CSGALNACT1: variants seen among roughly 807,000 people sequenced by gnomAD.
CSGALNACT1 encodes beta4GalNAcT-1.
Under a neutral mutation model 51.0 loss-of-function variants are expected in CSGALNACT1, and 52 were observed. That is an observed-to-expected ratio of 1.02 (90% CI 0.82 to 1.29). The LOEUF is 1.29. Among genes scored for constraint, CSGALNACT1 ranks in the 50% most tolerant of loss-of-function variants. The probability of loss-of-function intolerance (pLI) is 0.00; values close to 1 mark genes in which losing one functional copy is unlikely to be tolerated. For synonymous variants in CSGALNACT1, 341 were observed against 254.4 expected, an observed-to-expected ratio of 1.34 and a Z score of -3.24; for missense variants, 935 against 679.2, an observed-to-expected ratio of 1.38 and a Z score of -4.19.
chr8:19,714,754 A>AT (rs34963187), intron 1 of CSGALNACT1, among the ~76,000 whole-genome samples: 41 of 145,870 alleles, frequency 2.8e-4, no homozygotes, highest in Middle Eastern at 3.6e-3. Context: ...CTCCTGGGAT[A>AT]TTTTTTTTTT....
intron 3 of CSGALNACT1, among the ~76,000 whole-genome samples, chr8:19,537,615 C>A (rs1448800716): frequency 6.6e-6 from 1 of 152,186 alleles, no homozygotes; most frequent in African/African-American, 2.4e-5. Context: ...AGCCTGCAGG[C>A]TGCAACCCTT....
upstream of CSGALNACT1, among the ~76,000 whole-genome samples, chr8:19,605,390 G>C (rs1412262167): frequency 6.6e-6 from 1 of 151,936 alleles, no homozygotes. Flanking sequence ...GAGCTGAGAC[G>C]GTGCCACTGC....
intron 1 of CSGALNACT1, among the ~76,000 whole-genome samples, chr8:19,645,168 A>G (rs2057143114): frequency 6.6e-6 from 1 of 152,250 alleles, no homozygotes; most frequent in Non-Finnish European, 1.5e-5. Flanking sequence ...GCCGGGCAAC[A>G]GGATTCACCA....
intron 6 of CSGALNACT1, among the ~76,000 whole-genome samples, chr8:19,434,919 C>T (rs1265602685): frequency 1.3e-5 from 2 of 151,968 alleles, no homozygotes; most frequent in East Asian, 3.9e-4. Flanking sequence ...AACCATTTCC[C>T]CCAGAAAATA....
At chr8:19,685,226 T>A (rs994115710), upstream of CSGALNACT1, among the ~76,000 whole-genome samples, 6 of 152,034 alleles carry the variant, frequency 3.9e-5, no homozygotes, top group Admixed American at 3.9e-4. Flanking sequence ...TAATGGGAGT[T>A]TTTTCTTCTT....
intron 1 of CSGALNACT1, among the ~76,000 whole-genome samples, chr8:19,699,551 T>C (rs1589580844): frequency 1.3e-5 from 2 of 152,298 alleles, no homozygotes; most frequent in Admixed American, 1.3e-4. Flanking sequence ...GGGCAAAAAT[T>C]ATATGATGTT....
intron 2 of CSGALNACT1, among the ~76,000 whole-genome samples, chr8:19,601,057 T>G (rs945238994): frequency 6.6e-6 from 1 of 152,222 alleles, no homozygotes; most frequent in Non-Finnish European, 1.5e-5. Flanking sequence ...ACATTAATGA[T>G]ATTTTACAGT....
chr8:19,552,183 A>G (rs1319307365), intron 3 of CSGALNACT1, among the ~76,000 whole-genome samples: 1 of 152,218 alleles, frequency 6.6e-6, no homozygotes, highest in African/African-American at 2.4e-5. Flanking sequence ...TGAGGGATTT[A>G]ATAATGGCCA....
intron 3 of CSGALNACT1, among the ~76,000 whole-genome samples, chr8:19,547,586 T>G (rs2086775551): frequency 6.6e-6 from 1 of 152,202 alleles, no homozygotes; most frequent in Admixed American, 6.5e-5. Flanking sequence ...CTTTTCACCA[T>G]GATTGTGAGG....
intron 1 of CSGALNACT1, among the ~76,000 whole-genome samples, chr8:19,679,443 G>A (rs1791215407): frequency 6.6e-6 from 1 of 151,896 alleles, no homozygotes; most frequent in Non-Finnish European, 1.5e-5. Flanking sequence ...GGCAACAGAG[G>A]GAGATCCTGC....
chr8:19,426,383 A>G (rs2058779320), intron 6 of CSGALNACT1, among the ~76,000 whole-genome samples: 1 of 152,232 alleles, frequency 6.6e-6, no homozygotes, highest in African/African-American at 2.4e-5. Context: ...AAATATGTAA[A>G]TAACAGAAAA....
intron 4 of CSGALNACT1, among the ~76,000 whole-genome samples, chr8:19,494,005 T>C (rs758853376): frequency 6.6e-6 from 1 of 152,172 alleles, no homozygotes; most frequent in African/African-American, 2.4e-5. Context: ...TAATCCTCTA[T>C]CCTGCTATCC....
intron 1 of CSGALNACT1, among the ~76,000 whole-genome samples, chr8:19,609,375 A>C (rs2051861573): frequency 6.7e-6 from 1 of 149,510 alleles, no homozygotes; most frequent in African/African-American, 2.5e-5. Context: ...AAGTTTAAAA[A>C]TATAGATGGG....
chr8:19,691,192 G>A lies in CSGALNACT1; in HGVS notation c.-297+66658C>T, dbSNP rs112968527. On this transcript the variant is annotated intron_variant, in intron 1 of 1. Coordinates refer to the CSGALNACT1 transcript ENST00000517494. ...CACGCCCGAAGGAGAAAACAGATAG[G>A]TCTGAGTGTGGGGGTAATGCTCCAG... Among the ~76,000 whole-genome samples, 542 of 152,304 alleles carry A rather than the reference G, an allele frequency of 3.6e-3. 2 individuals carry two copies. The highest frequency in any genetic ancestry group is 0.013 in the African/African-American group (529 of 41,550).
chr8:19,673,974 C>G (rs1180528496), intron 1 of CSGALNACT1, among the ~76,000 whole-genome samples: 1 of 152,164 alleles, frequency 6.6e-6, no homozygotes, highest in Non-Finnish European at 1.5e-5. Flanking sequence ...AGGTGAAGGG[C>G]AGAAGGCACA....
At chr8:19,504,778 T>A (rs919090085) in intron 4 of CSGALNACT1, among the ~76,000 whole-genome samples, 3 of 152,218 alleles carry the variant, frequency 2.0e-5, no homozygotes, top group Non-Finnish European at 2.9e-5. Context: ...AATGGGGTCA[T>A]TTCATGGGAA....
chr8:19,649,626 T>C (rs1194801498), intron 1 of CSGALNACT1, among the ~76,000 whole-genome samples: 1 of 151,704 alleles, frequency 6.6e-6, no homozygotes, highest in African/African-American at 2.4e-5. Context: ...TACGAATACA[T>C]GCAATTTCCA....
At chr8:19,516,615 G>A (rs980361505) in intron 3 of CSGALNACT1, among the ~76,000 whole-genome samples, 1 of 152,170 alleles carries the variant, frequency 6.6e-6, no homozygotes, top group East Asian at 1.9e-4. Context: ...TCCCCATCCC[G>A]GTGTGAGCCT....
intron 3 of CSGALNACT1, among the ~76,000 whole-genome samples, chr8:19,589,843 T>C (rs1039372024): frequency 2.6e-5 from 4 of 152,178 alleles, no homozygotes; most frequent in African/African-American, 9.7e-5. Flanking sequence ...TGCAGCCAAA[T>C]CATTAATCCA....
Sources: gnomAD v4.1 joint callset for allele counts (sites outside exome capture counted in the v4.1 genomes callset) on GRCh38, gnomAD v4.1.1 for gene constraint, MANE v1.5 for transcripts, NCBI Gene and HGNC (gene_info 2026-07-23, HGNC 2026-07-21) for gene names.